The following QTGAL variants were observed in gnomAD, a reference collection of about 807,000 sequenced individuals.
The protein encoded by QTGAL is queuosine-tRNA galactosyltransferase, also known as BGnT-like protein 1.
At chr17:82,999,119 T>A in the QTGAL span, among the ~76,000 whole-genome samples, 1,456 of 152,334 alleles carry the variant, frequency 9.6e-3, 29 homozygotes, top group African/African-American at 0.032. Flanking sequence ...GAACCAGCCC[T>A]TCCACTTCTA....
At chr17:82,997,955 C>CTA in the QTGAL span, among the ~76,000 whole-genome samples, 1 of 144,104 alleles carries the variant, frequency 6.9e-6, no homozygotes, top group Non-Finnish European at 1.5e-5. Flanking sequence ...ATATCTATAT[C>CTA]TATCTAGATC....
the QTGAL span, chr17:82,965,615 T>TG: frequency 6.5e-7 from 1 of 1,548,166 alleles, no homozygotes; most frequent in African/African-American, 1.4e-5. Flanking sequence ...GCCCCGAACC[T>TG]GGGGGAGGGA....
chr17:83,051,393 A>T, the QTGAL span, among the ~76,000 whole-genome samples: 4 of 152,028 alleles, frequency 2.6e-5, no homozygotes, highest in South Asian at 8.3e-4. Context: ...CCCCACGACC[A>T]GGTGAGGGCG....
chr17:82,970,624 CGTGGCCGCGACCTCCGCACCCGGT>C, the QTGAL span, among the ~76,000 whole-genome samples: 17,203 of 66,160 alleles, frequency 0.26, 3,935 homozygotes, highest in East Asian at 0.37. Flanking sequence ...CCCCACCCGG[CGTGGCCGCGACCTCCGCACCCGGT>C]GTGGCCGCGA....
chr17:83,042,008 A>G, the QTGAL span, among the ~76,000 whole-genome samples: 1 of 152,126 alleles, frequency 6.6e-6, no homozygotes, highest in Non-Finnish European at 1.5e-5. Flanking sequence ...AAAGTTTACT[A>G]TTCAGGTAAA....
At chr17:82,961,388 G>T in the QTGAL span, 2 of 479,862 alleles carry the variant, frequency 4.2e-6, no homozygotes, top group Non-Finnish European at 7.6e-6. Context: ...AGGCGGGAAA[G>T]AGGGGAAGGG....
the QTGAL span, among the ~76,000 whole-genome samples, chr17:82,977,400 C>T: frequency 0.011 from 1,694 of 152,188 alleles, 37 homozygotes; most frequent in African/African-American, 0.039. Context: ...GGGGTTGCTT[C>T]GAAAGACTCC....
At chr17:83,044,900 C>T in the QTGAL span, among the ~76,000 whole-genome samples, 130 of 151,176 alleles carry the variant, frequency 8.6e-4, no homozygotes, top group African/African-American at 3.1e-3. Flanking sequence ...GAGCTGAGAT[C>T]GTGCCACTGC....
chr17:83,039,535 AGACACACTGCTGGGCGCCCGCCGCCCG>A, the QTGAL span, among the ~76,000 whole-genome samples: 17 of 115,342 alleles, frequency 1.5e-4, no homozygotes, highest in Middle Eastern at 4.7e-3. Context: ...CCCCTGTTCT[AGACACACTGCTGGGCGCCCGCCGCCCG>A]AACCTGTTCT....
the QTGAL span, chr17:83,006,141 G>A: frequency 1.5e-4 from 145 of 987,730 alleles, 1 homozygote; most frequent in Admixed American, 6.7e-4. The surrounding 1 kb of genome is among the most constrained non-coding windows in gnomAD (Gnocchi z 5.8). Flanking sequence ...AGCTGATTCC[G>A]TCTCACCCAA....
chr17:82,994,873 G>A, the QTGAL span, among the ~76,000 whole-genome samples: 1 of 152,320 alleles, frequency 6.6e-6, no homozygotes, highest in East Asian at 1.9e-4. Flanking sequence ...AGGGATGCAA[G>A]GATAGTTCAA....
At chr17:83,047,433 T>C in the QTGAL span, among the ~76,000 whole-genome samples, 1 of 151,538 alleles carries the variant, frequency 6.6e-6, no homozygotes, top group African/African-American at 2.4e-5. Flanking sequence ...ATAAGAAACT[T>C]AGGTCTATAA....
At chr17:82,964,513 G>A in the QTGAL span, among the ~76,000 whole-genome samples, 4 of 149,736 alleles carry the variant, frequency 2.7e-5, no homozygotes, top group Admixed American at 6.6e-5. Flanking sequence ...TGCGTCCCAC[G>A]GGGGATGGGG....
chr17:83,019,126 T>C, the QTGAL span, among the ~76,000 whole-genome samples: 2 of 152,164 alleles, frequency 1.3e-5, no homozygotes, highest in East Asian at 3.9e-4. Flanking sequence ...CTCATGCCTC[T>C]GAGTCCACGT....
At chr17:82,997,400 A>T in the QTGAL span, among the ~76,000 whole-genome samples, 1 of 152,210 alleles carries the variant, frequency 6.6e-6, no homozygotes, top group Non-Finnish European at 1.5e-5. Flanking sequence ...GCTGGTGAAG[A>T]TGTGAAGAAA....
chr17:83,051,691 G>C, the QTGAL span: 1 of 1,430,676 alleles, frequency 7.0e-7, no homozygotes, highest in Admixed American at 2.7e-5. Context: ...GAGGGGACGC[G>C]AGGACCCAGC....
the QTGAL span, among the ~76,000 whole-genome samples, chr17:83,031,438 C>T: frequency 9.9e-4 from 81 of 82,184 alleles, no homozygotes; most frequent in African/African-American, 1.8e-3. Flanking sequence ...ACCAGAGTCA[C>T]GTTTTCCAGC....
chr17:83,048,387 T>C, the QTGAL span: 1 of 1,262,386 alleles, frequency 7.9e-7, no homozygotes, highest in South Asian at 1.2e-5. Context: ...TTTGTCAGTA[T>C]TTGAACAACA....
chr17:82,959,986 C>T, the QTGAL span, among the ~76,000 whole-genome samples: 17 of 152,258 alleles, frequency 1.1e-4, no homozygotes, highest in South Asian at 2.7e-3. Context: ...GCCTTAGCAC[C>T]GGGAAAGGTG....
Sources: gnomAD v4.1 joint callset for allele counts (sites outside exome capture counted in the v4.1 genomes callset) on GRCh38, gnomAD v4.1.1 for gene constraint, Gnocchi (gnomAD v3.1) non-coding constraint, MANE v1.5 for transcripts, NCBI Gene and HGNC (gene_info 2026-07-23, HGNC 2026-07-21) for gene names.